Variants in CLDN16 observed in about 807,000 individuals in gnomAD.
CLDN16 encodes claudin-16.
CLDN16 carries 13 observed loss-of-function variants against 24.6 expected under a neutral mutation model. The ratio of observed to expected loss-of-function variants is 0.53; its 90% confidence interval spans 0.34 to 0.84. CLDN16 has a LOEUF of 0.84. Ranked by LOEUF, CLDN16 falls within the 40% of genes least tolerant of loss-of-function variation. CLDN16 has a pLI of 0.01. For synonymous variants in CLDN16, 116 were observed against 106.7 expected (o/e 1.09, Z -0.54); for missense variants, 298 against 292.7 (o/e 1.02, Z -0.13).
At chr3:190,384,268 A>C (rs1476973760), upstream of CLDN16, among the ~76,000 whole-genome samples, 1 of 152,170 alleles carries the variant, frequency 6.6e-6, no homozygotes. Flanking sequence ...AATAACTCTT[A>C]TTATCCTAAT....
At chr3:190,391,244 T>C (rs886939779) in intron 1 of CLDN16, among the ~76,000 whole-genome samples, 1 of 150,968 alleles carries the variant, frequency 6.6e-6, no homozygotes, top group African/African-American at 2.4e-5. Context: ...TGGATGATGT[T>C]GGCACGGGAT....
At chr3:190,349,117 G>C (rs1717618415) in intron 1 of CLDN16, among the ~76,000 whole-genome samples, 2 of 152,204 alleles carry the variant, frequency 1.3e-5, no homozygotes, top group African/African-American at 4.8e-5. Context: ...AAAGGAAATA[G>C]TATGGTAAGA....
chr3:190,390,951 A>C (rs2108660169), intron 1 of CLDN16, among the ~76,000 whole-genome samples: 1 of 151,878 alleles, frequency 6.6e-6, no homozygotes, highest in East Asian at 1.9e-4. Flanking sequence ...ACAACTGGCT[A>C]ATTTTAAAAA....
chr3:190,310,216 A>G, the CLDN16 span: 1 of 1,613,938 alleles, frequency 6.2e-7, no homozygotes, highest in Admixed American at 1.7e-5. Context: ...GAACGATTCT[A>G]TTGCCATACC....
intron 1 of CLDN16, among the ~76,000 whole-genome samples, chr3:190,347,882 C>T (rs981440251): frequency 7.9e-5 from 12 of 151,562 alleles, no homozygotes; most frequent in African/African-American, 2.7e-4. Context: ...TTGTAAGGAA[C>T]AGAAAAAAAG....
the CLDN16 span, among the ~76,000 whole-genome samples, chr3:190,299,527 T>G: frequency 6.9e-6 from 1 of 144,308 alleles, no homozygotes; most frequent in Non-Finnish European, 1.5e-5. Flanking sequence ...GGTAAGAAAT[T>G]TATTCTTCTG....
Position 190,409,969 on chromosome 3 carries a change from T to C in CLDN16, c.641T>C (p.Met214Thr). 2 of 1,614,034 alleles carry C rather than the reference T, an allele frequency of 1.2e-6. No individual in the cohort carries two copies. The highest frequency in any genetic ancestry group is 8.5e-7 in the Non-Finnish European group (1 of 1,179,926). The change falls in exon 5 of 5, where the codon ATG (methionine) becomes ACG (threonine). Residue 214 changes from methionine (M) to threonine (T), a missense_variant. By Grantham distance (81) the Met-to-Thr change is moderately conservative. Transcript: ENST00000264734. ...GCCTATTCAGCCGCGGGTGTTTCCA[T>C]GGCCAAGTCATACTCAGCCCCTCGC... ...RKAYSAAGVS[M>T]AKSYSAPRTE...
At chr3:190,389,380 A>C (rs143609687) in intron 1 of CLDN16, among the ~76,000 whole-genome samples, 9 of 152,360 alleles carry the variant, frequency 5.9e-5, no homozygotes, top group South Asian at 2.1e-4. Context: ...CAAATGCTAT[A>C]ATGTCACCTC....
chr3:190,314,548 C>G, the CLDN16 span, among the ~76,000 whole-genome samples: 1 of 146,718 alleles, frequency 6.8e-6, no homozygotes, highest in Non-Finnish European at 1.5e-5. Context: ...GCACGAACCA[C>G]CATGCCTGGC....
At chr3:190,371,952 T>C (rs963774240) in intron 2 of CLDN16, among the ~76,000 whole-genome samples, 2 of 151,876 alleles carry the variant, frequency 1.3e-5, no homozygotes, top group African/African-American at 4.8e-5. Flanking sequence ...TTGGCCACCA[T>C]AAGTTTTTGC....
At chr3:190,342,273 GGTTTATTGGACTTACA>G (rs1717454643) in intron 1 of CLDN16, among the ~76,000 whole-genome samples, 1 of 151,220 alleles carries the variant, frequency 6.6e-6, no homozygotes, top group Non-Finnish European at 1.5e-5. Context: ...AAAAGAAAGA[GGTTTATTGGACTTACA>G]GTTCCACATG....
chr3:190,397,637 G>T (rs1455075919), intron 1 of CLDN16, among the ~76,000 whole-genome samples: 1 of 152,152 alleles, frequency 6.6e-6, no homozygotes, highest in African/African-American at 2.4e-5. Flanking sequence ...GTGCACAAAG[G>T]CACCTTTAAG....
At chr3:190,295,276 C>T in the CLDN16 span, among the ~76,000 whole-genome samples, 1 of 152,056 alleles carries the variant, frequency 6.6e-6, no homozygotes, top group Non-Finnish European at 1.5e-5. Context: ...TTTAAAATAT[C>T]TATGACCTGC....
chr3:190,385,844 A>T (rs757828914), upstream of CLDN16, among the ~76,000 whole-genome samples: 1 of 152,276 alleles, frequency 6.6e-6, no homozygotes, highest in Middle Eastern at 3.4e-3. Context: ...CTCATCTCTC[A>T]AAGTATGGCC....
At chr3:190,326,305 A>G (rs1717059011) in intron 1 of CLDN16, among the ~76,000 whole-genome samples, 1 of 152,226 alleles carries the variant, frequency 6.6e-6, no homozygotes, top group South Asian at 2.1e-4. Flanking sequence ...ATGTTTGTTC[A>G]GGAGGACTCT....
chr3:190,390,861 C>A (rs1425189280), intron 1 of CLDN16, among the ~76,000 whole-genome samples: 3 of 152,126 alleles, frequency 2.0e-5, no homozygotes, highest in Non-Finnish European at 4.4e-5. Flanking sequence ...TCATATCTCA[C>A]TGCAGATTCA....
At chr3:190,370,086 G>A (rs945823949) in intron 1 of CLDN16, among the ~76,000 whole-genome samples, 8 of 151,874 alleles carry the variant, frequency 5.3e-5, no homozygotes, top group Admixed American at 2.0e-4. Flanking sequence ...AGCACTAAAT[G>A]GGCCATTAGG....
intron 1 of CLDN16, among the ~76,000 whole-genome samples, chr3:190,329,660 T>G (rs1717141489): frequency 6.6e-6 from 1 of 152,346 alleles, no homozygotes; most frequent in African/African-American, 2.4e-5. Context: ...GACATTAGTT[T>G]TGATTAATAT....
At chr3:190,396,138 T>G (rs16865437) in intron 1 of CLDN16, among the ~76,000 whole-genome samples, 30,003 of 151,908 alleles carry the variant, frequency 0.2, 3,228 homozygotes, top group East Asian at 0.37. Context: ...TGCTATAGAG[T>G]CCAGAATAAG....
Sources: gnomAD v4.1 joint callset for allele counts (sites outside exome capture counted in the v4.1 genomes callset) on GRCh38, gnomAD v4.1.1 for gene constraint, MANE v1.5 for transcripts, NCBI Gene and HGNC (gene_info 2026-07-23, HGNC 2026-07-21) for gene names.